Variants in GFRAL observed in about 807,000 individuals in gnomAD.
GFRAL encodes the protein GDNF family receptor alpha like, also known as GDNF family receptor alpha-like.
Under a neutral mutation model 45.4 loss-of-function variants are expected in GFRAL, and 36 were observed. That is an observed-to-expected ratio of 0.79 (90% confidence interval 0.61 to 1.05). GFRAL has a LOEUF of 1.05. GFRAL is among the 50% of genes least tolerant of loss of function. The pLI, the probability that GFRAL is intolerant of heterozygous loss-of-function variation, is 0.00. For missense variants in GFRAL, 507 were observed against 467.5 expected (o/e 1.08, Z -0.78); for synonymous variants, 166 against 154.1 (o/e 1.08, Z -0.57).
chr6:55,366,708 C>T (rs937249086), intron 6 of GFRAL, among the ~76,000 whole-genome samples: 1 of 101,446 alleles, frequency 9.9e-6, no homozygotes, highest in African/African-American at 5.1e-5. Context: ...ACCCAGTAGT[C>T]ATTCAGGAGC....
chr6:55,366,883 G>A lies in GFRAL; in HGVS notation c.952+7745G>A, dbSNP rs1379676532. On this transcript the variant is annotated intron_variant, in intron 6 of 8. Coordinates refer to ENST00000340465, the MANE Select transcript of GFRAL (RefSeq NM_207410.2). Reference sequence around the variant, plus strand: ...CAAGTATGTGGTCAATTTTGGAATAGGTGTGGTGTGGTGCTGAAAAAAATG... The same window carrying A: ...CAAGTATGTGGTCAATTTTGGAATAAGTGTGGTGTGGTGCTGAAAAAAATG... 2.1e-4 allele frequency among the ~76,000 whole-genome samples: 21 copies of A among 98,752 alleles called. 1 individual carries two copies. In the East Asian group the frequency reaches 3.9e-3, roughly 18 times the overall value. 64.8% of individuals were successfully genotyped at this position (98,752 alleles called of 152,430 possible). A position where few individuals can be genotyped will look rare whatever the true frequency, so the allele number is the denominator to read the frequency against.
intron 8 of GFRAL, among the ~76,000 whole-genome samples, chr6:55,400,685 T>G (rs1016384527): frequency 6.6e-6 from 1 of 152,150 alleles, no homozygotes; most frequent in South Asian, 2.1e-4. Context: ...TACATTTGTA[T>G]GAGAAGACAT....
intron 1 of GFRAL, among the ~76,000 whole-genome samples, chr6:55,330,385 A>T (rs186607296): frequency 6.6e-6 from 1 of 152,138 alleles, no homozygotes; most frequent in Non-Finnish European, 1.5e-5. Context: ...AGACAGGCAC[A>T]TGAATATATA....
At chr6:55,341,780 G>T (rs1176283021) in intron 3 of GFRAL, among the ~76,000 whole-genome samples, 2 of 152,196 alleles carry the variant, frequency 1.3e-5, no homozygotes, top group East Asian at 3.9e-4. Flanking sequence ...CTTGAAAAAA[G>T]ATTAGACAAT....
chr6:55,359,869 A>T (rs562723818), intron 6 of GFRAL, among the ~76,000 whole-genome samples: 22 of 151,920 alleles, frequency 1.4e-4, no homozygotes, highest in East Asian at 1.4e-3. Context: ...CTACATAAGG[A>T]TATGAATATT....
intron 6 of GFRAL, among the ~76,000 whole-genome samples, chr6:55,377,477 C>T (rs1768550228): frequency 6.6e-6 from 1 of 151,978 alleles, no homozygotes; most frequent in Non-Finnish European, 1.5e-5. Flanking sequence ...ACCGTATGGC[C>T]ACACCCTCTT....
intron 6 of GFRAL, 42 bp downstream of exon 6, chr6:55,359,180 A>G: frequency 6.6e-7 from 1 of 1,519,762 alleles, no homozygotes; most frequent in South Asian, 1.2e-5. Context: ...CTATCTATCT[A>G]TCTATCATCT....
At chr6:55,356,502 G>T (rs1056670517) in intron 5 of GFRAL, among the ~76,000 whole-genome samples, 2 of 151,874 alleles carry the variant, frequency 1.3e-5, no homozygotes, top group East Asian at 3.9e-4. Flanking sequence ...GCATATATTT[G>T]CTCATAGTAG....
intron 6 of GFRAL, among the ~76,000 whole-genome samples, chr6:55,359,657 A>T (rs1768247187): frequency 6.6e-6 from 1 of 151,940 alleles, no homozygotes; most frequent in Non-Finnish European, 1.5e-5. Flanking sequence ...ATTAGCAGAC[A>T]CCATTTTCTG....
intron 6 of GFRAL, among the ~76,000 whole-genome samples, chr6:55,393,872 A>G (rs957152568): frequency 1.3e-5 from 2 of 152,192 alleles, no homozygotes; most frequent in Non-Finnish European, 2.9e-5. Flanking sequence ...TGTTTAATAG[A>G]TAATCCTGAT....
At chr6:55,346,190 G>A (rs1768039242) in intron 3 of GFRAL, among the ~76,000 whole-genome samples, 1 of 152,046 alleles carries the variant, frequency 6.6e-6, no homozygotes, top group Admixed American at 6.6e-5. Flanking sequence ...CCCATTACCA[G>A]GTATATACCC....
At chr6:55,365,956 A>C (rs1768356854) in intron 6 of GFRAL, among the ~76,000 whole-genome samples, 1 of 147,076 alleles carries the variant, frequency 6.8e-6, no homozygotes, top group African/African-American at 2.6e-5. Context: ...TGGCCTCATA[A>C]AATGAGTTAG....
intron 3 of GFRAL, among the ~76,000 whole-genome samples, chr6:55,349,823 T>C (rs1768092602): frequency 6.6e-6 from 1 of 151,442 alleles, no homozygotes; most frequent in African/African-American, 2.4e-5. Context: ...GCACACAGTC[T>C]AATCACTAGC....
At chr6:55,349,870 C>T (rs1768093035) in intron 3 of GFRAL, among the ~76,000 whole-genome samples, 1 of 151,674 alleles carries the variant, frequency 6.6e-6, no homozygotes, top group African/African-American at 2.4e-5. Context: ...ATCCTCAGAG[C>T]AGGGCTGTAT....
chr6:55,358,821 G>A lies in GFRAL; in HGVS notation c.702-67G>A, dbSNP rs1768230666. ...GTTCTATGTCTTTCATTAGGTGAGGGGGGATCACATGTTAATGTGAAATAA... is the reference window on the plus strand; with the variant it reads ...GTTCTATGTCTTTCATTAGGTGAGGAGGGATCACATGTTAATGTGAAATAA... On this transcript the variant is annotated intron_variant, in intron 5 of 8. Coordinates refer to ENST00000340465, the MANE Select transcript of GFRAL (RefSeq NM_207410.2). 3 of 1,448,972 alleles carry A rather than the reference G, an allele frequency of 2.1e-6. No homozygotes were observed. In the South Asian group the frequency reaches 3.7e-5, roughly 18 times the overall value. The allele number at this position is 1,448,972 out of a possible 1,614,324, so 89.8% of individuals were successfully genotyped here.
chr6:55,347,604 A>G (rs562817455), intron 3 of GFRAL, among the ~76,000 whole-genome samples: 4 of 152,296 alleles, frequency 2.6e-5, no homozygotes, highest in African/African-American at 9.6e-5. Flanking sequence ...AATGTTTTAT[A>G]AGGATGAATA....
chr6:55,361,528 A>G (rs1003905854), intron 6 of GFRAL, among the ~76,000 whole-genome samples: 1 of 151,712 alleles, frequency 6.6e-6, no homozygotes, highest in Non-Finnish European at 1.5e-5. Context: ...TTTTAAAATT[A>G]TTTTTTTCTC....
chr6:55,331,947 T>C (rs1219603748), intron 2 of GFRAL, 98 bp downstream of exon 2: 3 of 1,094,876 alleles, frequency 2.7e-6, no homozygotes, highest in Non-Finnish European at 3.9e-6. Context: ...TAAGTTTTTT[T>C]CTATGTATCT....
At chr6:55,398,007 A>T (rs11754751) in intron 6 of GFRAL, among the ~76,000 whole-genome samples, 1 of 152,208 alleles carries the variant, frequency 6.6e-6, no homozygotes, top group Non-Finnish European at 1.5e-5. Flanking sequence ...TAACCTAAAA[A>T]CAAAGGCTAT....
Sources: gnomAD v4.1 joint callset for allele counts (sites outside exome capture counted in the v4.1 genomes callset) on GRCh38, gnomAD v4.1.1 for gene constraint, MANE v1.5 for transcripts, NCBI Gene and HGNC (gene_info 2026-07-23, HGNC 2026-07-21) for gene names.